MACROD1: variants seen among roughly 807,000 people sequenced by gnomAD.
MACROD1 encodes the protein ADP-ribose glycohydrolase MACROD1.
A neutral mutation model predicts 41.4 loss-of-function variants in MACROD1; 31 were observed. That is an observed-to-expected ratio of 0.75 (90% CI 0.56 to 1.01). The LOEUF (loss-of-function observed/expected upper bound fraction) is 1.01. MACROD1 is among the 50% of genes least tolerant of loss of function. The probability of loss-of-function intolerance (pLI) is 0.00; values close to 1 mark genes in which losing one functional copy is unlikely to be tolerated. For missense variants in MACROD1, 473 were observed against 460.0 expected (o/e 1.03, Z -0.26); for synonymous variants, 252 against 203.4 (o/e 1.24, Z -2.03).
At chr11:64,110,390 C>T (rs1477434657) in intron 3 of MACROD1, among the ~76,000 whole-genome samples, 2 of 150,950 alleles carry the variant, frequency 1.3e-5, no homozygotes, top group African/African-American at 4.9e-5. Context: ...GTCGAGGCTG[C>T]AGTGAGCCGT....
At chr11:64,116,398 T>G (rs776824755) in intron 3 of MACROD1, 4 of 1,613,964 alleles carry the variant, frequency 2.5e-6, no homozygotes, top group Non-Finnish European at 3.4e-6. Context: ...CTCATCGCCT[T>G]CCTGACGGAG....
At position 63,999,047 on chromosome 11, in the gene MACROD1, G is replaced by A. The variant is rs1361610115; in HGVS notation, c.892-11C>T. ...GATCAGCCGGTCCACCTGCGCCAGG[G>A]GCTGCTCAGCCTGGGCCGAGCTGCC... is the stretch of plus-strand genomic sequence containing the variant. On this transcript the variant is annotated splice_polypyrimidine_tract_variant and intron_variant, in intron 8 of 10. Coordinates refer to ENST00000255681, the MANE Select transcript of MACROD1 (RefSeq NM_014067.4). The A allele has an allele frequency of 1.3e-6, 2 of 1,596,816 alleles. No individual in the cohort carries two copies. The highest frequency in any genetic ancestry group is 1.1e-5 in the South Asian group (1 of 88,788).
At position 64,082,924 on chromosome 11, in the gene MACROD1, CCT is replaced by C. The variant is rs1371817918; in HGVS notation, c.518-67645_518-67644del. On this transcript the variant is annotated intron_variant, in intron 3 of 10. Transcript: ENST00000255681. The surrounding 1 kb of genome is among the most constrained non-coding windows in gnomAD (Gnocchi z 4.5). ...CTGCCCTCATCTGTCCCTGCCCTGACCTCTCTCTGCCTTCCTTCCTCGTCACA... is the reference window on the plus strand; with the variant it reads ...CTGCCCTCATCTGTCCCTGCCCTGACCTCTCTGCCTTCCTTCCTCGTCACA... 6.6e-6 allele frequency: 1 copy of C among 152,634 alleles called. No homozygotes were observed. The highest frequency in any genetic ancestry group is 1.5e-5 in the Non-Finnish European group (1 of 68,284). The allele number at this position is 152,634 out of a possible 1,614,324, so 9.5% of individuals were successfully genotyped here. A position where few individuals can be genotyped will look rare whatever the true frequency, so the allele number is the denominator to read the frequency against.
rs184387261 is a variant in MACROD1, at chr11:64,150,354, G to A, written c.517+885C>T. On this transcript the variant is annotated intron_variant, in intron 3 of 10. Coordinates refer to ENST00000255681, the MANE Select transcript of MACROD1 (RefSeq NM_014067.4). ...CGAAGGAGACTCGAGAAGCTCCTGG[G>A]GGTGCCCTGGGCCTGCACAGGTTAG... Among the ~76,000 whole-genome samples, 18 of 152,346 alleles carry A rather than the reference G, an allele frequency of 1.2e-4. No individual in the cohort carries two copies. In the East Asian group the frequency reaches 3.5e-3, roughly 29 times the overall value.
intron 3 of MACROD1, among the ~76,000 whole-genome samples, chr11:64,078,934 C>A (rs1007412489): frequency 6.6e-6 from 1 of 152,028 alleles, no homozygotes; most frequent in South Asian, 2.1e-4. Context: ...TATGCCAGTG[C>A]GGTTAAGGGT....
rs1046700965 is a variant in MACROD1 at position 64,025,639 on chromosome 11, C to T, written c.518-10358G>A. On this transcript the variant is annotated intron_variant, in intron 3 of 10. Transcript: ENST00000255681. Reference sequence around the variant, plus strand: ...TGAGTTTTGTATAAACGGGAGCTCCCGGTTTGCTGTTATTATTCATTGCAA... The same window carrying T: ...TGAGTTTTGTATAAACGGGAGCTCCTGGTTTGCTGTTATTATTCATTGCAA... Among the ~76,000 whole-genome samples the T allele has an allele frequency of 3.9e-5, 6 of 151,904 alleles. No homozygotes were observed. In the East Asian group the frequency reaches 9.7e-4, roughly 24 times the overall value.
intron 3 of MACROD1, among the ~76,000 whole-genome samples, chr11:64,104,619 G>C (rs755381310): frequency 8.5e-5 from 13 of 152,064 alleles, no homozygotes; most frequent in Non-Finnish European, 1.9e-4. Context: ...CCTTGAACGA[G>C]AGGGAGTCCA....
chr11:64,106,248 C>T (rs1166586903), intron 3 of MACROD1, among the ~76,000 whole-genome samples: 1 of 152,114 alleles, frequency 6.6e-6, no homozygotes, highest in African/African-American at 2.4e-5. Flanking sequence ...AGACCTTTCC[C>T]TTTGCCTCTT....
At chr11:64,017,797 C>T (rs182452716) in intron 3 of MACROD1, among the ~76,000 whole-genome samples, 1 of 152,168 alleles carries the variant, frequency 6.6e-6, no homozygotes, top group Non-Finnish European at 1.5e-5. Flanking sequence ...CCCCCATCAC[C>T]TCTCTCTCTT....
intron 3 of MACROD1, among the ~76,000 whole-genome samples, chr11:64,021,555 C>G (rs1386616720): frequency 6.6e-6 from 1 of 152,158 alleles, no homozygotes; most frequent in African/African-American, 2.4e-5. Flanking sequence ...GCGGGCACAG[C>G]CCACCTGCAT....
At chr11:64,145,996 C>A (rs569557484) in intron 3 of MACROD1, among the ~76,000 whole-genome samples, 33 of 152,282 alleles carry the variant, frequency 2.2e-4, no homozygotes, top group Admixed American at 4.6e-4. Flanking sequence ...TCTCAAACTC[C>A]TGACCTCAAG....
In MACROD1 at chr11:64,019,738, G is replaced by C. The variant is rs115347211; in HGVS notation, c.518-4457C>G. Among the ~76,000 whole-genome samples, 840 of 152,310 alleles carry C rather than the reference G, an allele frequency of 5.5e-3. 10 individuals are homozygous for C. The highest frequency in any genetic ancestry group is 0.019 in the African/African-American group (799 of 41,564). On this transcript the variant is annotated intron_variant, in intron 3 of 10. Coordinates refer to ENST00000255681, the MANE Select transcript of MACROD1 (RefSeq NM_014067.4). Reference sequence around the variant, plus strand: ...TCCAGTCCTGACCGGAGGGGTAGCTGGGAGCAGGCTTGAGAGCTGCCCCGG... The same window carrying C: ...TCCAGTCCTGACCGGAGGGGTAGCTCGGAGCAGGCTTGAGAGCTGCCCCGG...
At position 64,070,895 on chromosome 11, in the gene MACROD1, G is replaced by A. The variant is rs573758449; in HGVS notation, c.518-55614C>T. Among the ~76,000 whole-genome samples the A allele has an allele frequency of 3.3e-5, 5 of 152,272 alleles. No individual in the cohort carries two copies. In the East Asian group the frequency reaches 9.7e-4, roughly 29 times the overall value. ...ATGGGGCCCCCCTCTGGGACACTTGGGGAAGGGGTACCCATGGGTCCACAT... is the reference window on the plus strand; with the variant it reads ...ATGGGGCCCCCCTCTGGGACACTTGAGGAAGGGGTACCCATGGGTCCACAT... On this transcript the variant is annotated intron_variant, in intron 3 of 10. Transcript: ENST00000255681.
At chr11:64,135,920 A>G (rs1945325235) in intron 3 of MACROD1, among the ~76,000 whole-genome samples, 1 of 152,058 alleles carries the variant, frequency 6.6e-6, no homozygotes, top group Admixed American at 6.5e-5. Flanking sequence ...CCCTGCAAGG[A>G]CCCCTGGAGC....
At chr11:64,133,524 A>G (rs1050132070) in intron 3 of MACROD1, among the ~76,000 whole-genome samples, 2 of 152,130 alleles carry the variant, frequency 1.3e-5, no homozygotes, top group African/African-American at 4.8e-5. Context: ...ATCTCCTCCT[A>G]AAAGGCAGCT....
rs542145923 is a variant in MACROD1 at position 64,068,106 on chromosome 11, T to C, written c.518-52825A>G. ...GAGCCGGGCGAAGTTGAAGTAAAAT[T>C]AAGAAAGTTGAATCAAAATGTAAAT... On this transcript the variant is annotated intron_variant, in intron 3 of 10. Coordinates refer to ENST00000255681, the MANE Select transcript of MACROD1 (RefSeq NM_014067.4). Among the ~76,000 whole-genome samples the C allele has an allele frequency of 3.7e-3, 556 of 152,322 alleles. 1 individual carries two copies. The highest frequency in any genetic ancestry group is 6.7e-3 in the Non-Finnish European group (457 of 68,022).
chr11:64,088,434 C>A (rs1944433200), intron 3 of MACROD1, among the ~76,000 whole-genome samples: 1 of 152,166 alleles, frequency 6.6e-6, no homozygotes, highest in African/African-American at 2.4e-5. Flanking sequence ...CCCTGTGAGC[C>A]CTGCAGGTGC....
At position 63,999,631 on chromosome 11, in the gene MACROD1, C is replaced by G. The variant is rs764414428; in HGVS notation, c.786+11G>C. 6.2e-7 allele frequency: 1 copy of G among 1,609,566 alleles called. No individual in the cohort carries two copies. Among genetic ancestry groups the G allele is most frequent in the South Asian group, 1.1e-5 (1 of 90,514 alleles). On this transcript the variant is annotated intron_variant, in intron 6 of 10. Transcript: ENST00000255681. ...CCCGCCTCCCGCCCTCCCCCGCGGG[C>G]CGTCCCTCACCACCGAGCGGAGCCG...
rs556412927 is a variant in MACROD1 at position 64,040,569 on chromosome 11, G to A, written c.518-25288C>T. On this transcript the variant is annotated intron_variant, in intron 3 of 10. Transcript: ENST00000255681. ...CTGGAAGAGTGGGCTTCCTAGGCCC[G>A]GGATGCCAGGTCCCCTTTTCCCGAG... is the stretch of plus-strand genomic sequence containing the variant. 2.3e-4 allele frequency among the ~76,000 whole-genome samples: 35 copies of A among 152,360 alleles called. 1 individual carries two copies. The highest frequency in any genetic ancestry group is 6.2e-4 in the South Asian group (3 of 4,832).
Sources: allele counts gnomAD v4.1 joint callset (sites outside exome capture counted in the v4.1 genomes callset), GRCh38; gene constraint gnomAD v4.1.1; non-coding constraint Gnocchi (gnomAD v3.1); transcripts MANE v1.5; gene names NCBI Gene and HGNC (gene_info 2026-07-23, HGNC 2026-07-21).